Variants in ELAVL4 observed in about 807,000 individuals in gnomAD.
The protein encoded by ELAVL4 is ELAV-like protein 4.
In ELAVL4, 1 loss-of-function variant was observed where a neutral mutation model predicts 35.6. The observed-to-expected ratio is 0.03, with a 90% CI of 0.01 to 0.13. The LOEUF is 0.13. Ranked by LOEUF, ELAVL4 falls within the 10% of genes least tolerant of loss-of-function variation. ELAVL4 has a pLI of 1.00. For synonymous variants in ELAVL4, 156 were observed against 171.0 expected (o/e 0.91, Z 0.69); for missense variants, 267 against 464.9 (o/e 0.57, Z 3.91).
intron 1 of ELAVL4, among the ~76,000 whole-genome samples, chr1:50,095,296 C>G (rs1477963881): frequency 6.6e-6 from 1 of 152,078 alleles, no homozygotes; most frequent in East Asian, 1.9e-4. Context: ...TCCTTAGGAA[C>G]TGCGTGGGTG....
intron 1 of ELAVL4, among the ~76,000 whole-genome samples, chr1:50,095,300 G>A (rs1171801026): frequency 1.3e-5 from 2 of 152,088 alleles, no homozygotes; most frequent in African/African-American, 2.4e-5. Flanking sequence ...TAGGAACTGC[G>A]TGGGTGTGGG....
chr1:50,194,940 G>A (rs1643939083), intron 4 of ELAVL4, among the ~76,000 whole-genome samples: 1 of 152,190 alleles, frequency 6.6e-6, no homozygotes, highest in South Asian at 2.1e-4. Context: ...AGTTCAGGGT[G>A]GCTGGTGTGA....
chr1:50,134,006 A>G (rs1671479686), intron 1 of ELAVL4, among the ~76,000 whole-genome samples: 3 of 151,966 alleles, frequency 2.0e-5, no homozygotes, highest in South Asian at 4.1e-4. Flanking sequence ...AACTCCCTCT[A>G]CTCCCTTTTA....
At chr1:50,181,951 G>A (rs552104669) in intron 3 of ELAVL4, among the ~76,000 whole-genome samples, 1 of 152,322 alleles carries the variant, frequency 6.6e-6, no homozygotes, top group East Asian at 1.9e-4. Context: ...CCAAAGTGCT[G>A]GGATTACAGG....
intron 1 of ELAVL4, chr1:50,048,285 A>T: frequency 7.4e-7 from 1 of 1,356,382 alleles, no homozygotes; most frequent in Non-Finnish European, 9.6e-7. Flanking sequence ...CCCAGCGGCC[A>T]GCCTGGCCAC....
chr1:50,107,504 C>G (rs544038800), upstream of ELAVL4, among the ~76,000 whole-genome samples: 1 of 152,104 alleles, frequency 6.6e-6, no homozygotes, highest in South Asian at 2.1e-4. Flanking sequence ...TAGTTTTAAT[C>G]TTGAAAAATG....
intron 1 of ELAVL4, among the ~76,000 whole-genome samples, chr1:50,071,594 A>C (rs1023361819): frequency 1.3e-5 from 2 of 152,198 alleles, no homozygotes; most frequent in African/African-American, 4.8e-5. Context: ...GCCTATCACT[A>C]GCAGGTGATT....
At chr1:50,147,840 A>G (rs527890853) in intron 2 of ELAVL4, among the ~76,000 whole-genome samples, 3 of 152,144 alleles carry the variant, frequency 2.0e-5, no homozygotes, top group Non-Finnish European at 4.4e-5. Flanking sequence ...TCCAGCCCCA[A>G]CCACTCCCTA....
At chr1:50,154,973 T>A (rs1557795134) in intron 2 of ELAVL4, among the ~76,000 whole-genome samples, 1 of 151,956 alleles carries the variant, frequency 6.6e-6, no homozygotes, top group Non-Finnish European at 1.5e-5. Context: ...ATTTAGTAAA[T>A]TAATTGTGGT....
intron 1 of ELAVL4, among the ~76,000 whole-genome samples, chr1:50,061,859 A>G (rs1471340337): frequency 6.6e-6 from 1 of 152,120 alleles, no homozygotes; most frequent in Non-Finnish European, 1.5e-5. Flanking sequence ...CTCCAATTCT[A>G]CTTTCTTCAC....
intron 1 of ELAVL4, among the ~76,000 whole-genome samples, chr1:50,090,025 C>T (rs1330322605): frequency 6.6e-6 from 1 of 152,076 alleles, no homozygotes; most frequent in Non-Finnish European, 1.5e-5. Flanking sequence ...TAGGAATTCT[C>T]AGGTTGGTAT....
At chr1:50,057,110 G>A (rs929340919) in intron 1 of ELAVL4, among the ~76,000 whole-genome samples, 2 of 151,982 alleles carry the variant, frequency 1.3e-5, no homozygotes, top group African/African-American at 4.8e-5. Context: ...GTGCAAGACA[G>A]TGATATTGGT....
intron 1 of ELAVL4, among the ~76,000 whole-genome samples, chr1:50,065,631 C>G (rs1384104156): frequency 6.6e-6 from 1 of 152,140 alleles, no homozygotes; most frequent in Non-Finnish European, 1.5e-5. Context: ...TTTATTGTTA[C>G]TTGTATCAGT....
chr1:50,185,144 C>A (rs1334937972), intron 3 of ELAVL4, among the ~76,000 whole-genome samples: 1 of 152,134 alleles, frequency 6.6e-6, no homozygotes, highest in African/African-American at 2.4e-5. Context: ...GGATTAAAGA[C>A]TCATTTCTCC....
At chr1:50,063,257 C>T (rs760951155) in intron 1 of ELAVL4, among the ~76,000 whole-genome samples, 12 of 152,036 alleles carry the variant, frequency 7.9e-5, no homozygotes, top group South Asian at 2.1e-4. Context: ...ATTGAGTAAA[C>T]GCTTCATACA....
intron 6 of ELAVL4, 129 bp from the exon 7 acceptor site, chr1:50,200,722 T>C: frequency 6.6e-7 from 1 of 1,508,654 alleles, no homozygotes; most frequent in Non-Finnish European, 8.8e-7. Context: ...ATTTTGGTTT[T>C]TGAACCCTGA....
chr1:50,131,264 T>C (rs1670807470), intron 1 of ELAVL4, among the ~76,000 whole-genome samples: 1 of 152,138 alleles, frequency 6.6e-6, no homozygotes, highest in African/African-American at 2.4e-5. Context: ...ACAAATGTAA[T>C]TTTTGAAATT....
intron 1 of ELAVL4, chr1:50,109,976 G>A: frequency 1.2e-6 from 2 of 1,612,304 alleles, no homozygotes; most frequent in Non-Finnish European, 1.7e-6. Context: ...TAAGTGAAAA[G>A]AGGAAGGCAG....
intron 5 of ELAVL4, 57 bp from the exon 6 acceptor site, chr1:50,197,372 T>C: frequency 9.9e-6 from 15 of 1,518,428 alleles, no homozygotes; most frequent in Non-Finnish European, 1.2e-5. Flanking sequence ...AATAGTTCCA[T>C]TGAGCGATCT....
Sources: allele counts gnomAD v4.1 joint callset (sites outside exome capture counted in the v4.1 genomes callset), GRCh38; gene constraint gnomAD v4.1.1; transcripts MANE v1.5; gene names NCBI Gene and HGNC (gene_info 2026-07-23, HGNC 2026-07-21).